Variants in CRYM observed in about 807,000 individuals in gnomAD.
CRYM encodes the protein crystallin mu, also known as ketimine reductase mu-crystallin.
Under a neutral mutation model 32.9 loss-of-function variants are expected in CRYM, and 18 were observed. That is an observed-to-expected ratio of 0.55 (90% CI 0.38 to 0.81). The LOEUF (loss-of-function observed/expected upper bound fraction) is 0.81. Ranked by LOEUF, CRYM falls within the 30% of genes least tolerant of loss-of-function variation. The pLI, the probability that CRYM is intolerant of heterozygous loss-of-function variation, is 0.00. For synonymous variants in CRYM, 153 were observed against 152.4 expected (o/e 1.00, Z -0.03); for missense variants, 337 against 393.5 (o/e 0.86, Z 1.21).
intron 2 of CRYM, 132 bp from the exon 3 acceptor site, chr16:21,275,726 T>C (rs1398838240): frequency 2.8e-6 from 2 of 716,414 alleles, no homozygotes; most frequent in African/African-American, 1.7e-5. Context: ...GCGTCAGACC[T>C]GGATCCGATT....
chr16:21,275,507 T>A, intron 3 of CRYM, 25 bp downstream of exon 3: 1 of 1,608,262 alleles, frequency 6.2e-7, no homozygotes, highest in Non-Finnish European at 8.5e-7. Context: ...CTCACCTTAA[T>A]GGTACAGCCA....
At chr16:21,275,188 T>C (rs2093383824) in intron 3 of CRYM, among the ~76,000 whole-genome samples, 3 of 152,322 alleles carry the variant, frequency 2.0e-5, no homozygotes, top group African/African-American at 4.8e-5. Context: ...AAGTATTAAA[T>C]TCTTACTCTA....
At chr16:21,288,170 A>G (rs1437055352) in intron 1 of CRYM, among the ~76,000 whole-genome samples, 1 of 152,254 alleles carries the variant, frequency 6.6e-6, no homozygotes, top group Non-Finnish European at 1.5e-5. Flanking sequence ...TTTAAAAACC[A>G]AACAGGAGGA....
At position 21,267,737 on chromosome 16, in the gene CRYM, C is replaced by T; in HGVS notation, c.490G>A (p.Val164Met). ...IFTEQFSFKE[V>M]RIWNRTKENA... ...TCTTTGGTGCGGTTCCATATCCTCACCTTCATTGGGAGTAACAAGAAGGAT... is the reference window on the plus strand; with the variant it reads ...TCTTTGGTGCGGTTCCATATCCTCATCTTCATTGGGAGTAACAAGAAGGAT... Residue 164 changes from valine to methionine, a missense_variant and splice_region_variant, in exon 5 of 8, where the codon GTG becomes ATG. Val to Met is a conservative substitution (Grantham distance 21). Coordinates refer to ENST00000572914, the MANE Select transcript of CRYM (RefSeq NM_001376256.1). 1 of 1,614,236 alleles carries T rather than the reference C, an allele frequency of 6.2e-7. No individual in the cohort carries two copies. Among genetic ancestry groups the T allele is most frequent in the Non-Finnish European group, 8.5e-7 (1 of 1,180,044 alleles).
At chr16:21,261,516 A>G in intron 6 of CRYM, 178 bp from the exon 7 acceptor site, 1 of 629,054 alleles carries the variant, frequency 1.6e-6, no homozygotes, top group East Asian at 2.7e-5. Context: ...CTGGCCCCGA[A>G]ATCCTTTTGG....
chr16:21,264,871 T>C (rs990984966), intron 5 of CRYM, among the ~76,000 whole-genome samples: 2 of 152,054 alleles, frequency 1.3e-5, no homozygotes, highest in Non-Finnish European at 1.5e-5. Flanking sequence ...CATCCTCCAG[T>C]GTAAGGAACT....
chr16:21,273,960 C>T (rs2733910), intron 3 of CRYM, among the ~76,000 whole-genome samples: 40,822 of 151,980 alleles, frequency 0.27, 5,934 homozygotes, highest in African/African-American at 0.36. Flanking sequence ...CTACTCCCTT[C>T]GCATACAATT....
chr16:21,270,011 C>T, intron 3 of CRYM, 120 bp from the exon 4 acceptor site: 1 of 724,782 alleles, frequency 1.4e-6, no homozygotes, highest in Admixed American at 2.0e-5. Flanking sequence ...CAAGAGCTTG[C>T]AGGCAATCAA....
chr16:21,286,951 G>T (rs951141809), intron 1 of CRYM, among the ~76,000 whole-genome samples: 1 of 152,002 alleles, frequency 6.6e-6, no homozygotes, highest in Non-Finnish European at 1.5e-5. Flanking sequence ...TTAGCTGGGC[G>T]TGGTGGTGGG....
At chr16:21,294,698 T>C (rs1046258600) in intron 1 of CRYM, among the ~76,000 whole-genome samples, 3 of 151,400 alleles carry the variant, frequency 2.0e-5, no homozygotes, top group South Asian at 2.1e-4. Flanking sequence ...CTTTTTTTTT[T>C]TTTTTCTTTT....
At chr16:21,302,579 A>G (rs1960978645) in intron 1 of CRYM, among the ~76,000 whole-genome samples, 1 of 152,208 alleles carries the variant, frequency 6.6e-6, no homozygotes, top group East Asian at 1.9e-4. Context: ...AAGCTCTAGG[A>G]TGAGAGTAGA....
chr16:21,278,668 C>A (rs531272220), upstream of CRYM: 7 of 224,492 alleles, frequency 3.1e-5, no homozygotes, highest in South Asian at 4.8e-4. Flanking sequence ...TAACGGGGCT[C>A]CTTTATTTAT....
At position 21,258,704 on chromosome 16, in the gene CRYM, C is replaced by T; in HGVS notation, c.*77G>A. On this transcript the variant is annotated 3_prime_UTR_variant, in exon 8 of 8. Coordinates refer to ENST00000572914, the MANE Select transcript of CRYM (RefSeq NM_001376256.1). ...GGAGAGTTCACTGGGGACTGGACTC[C>T]CTCATTTACTCTAGAAATTATGAGA... is the stretch of plus-strand genomic sequence containing the variant. The T allele has an allele frequency of 7.9e-7, 1 of 1,261,200 alleles. No homozygotes were observed. Among genetic ancestry groups the T allele is most frequent in the Non-Finnish European group, 1.2e-6 (1 of 860,330 alleles). 78.1% of individuals were successfully genotyped at this position (1,261,200 alleles called of 1,614,324 possible).
upstream of CRYM, among the ~76,000 whole-genome samples, chr16:21,281,445 G>A (rs1240259658): frequency 6.6e-6 from 1 of 151,798 alleles, no homozygotes; most frequent in Non-Finnish European, 1.5e-5. Flanking sequence ...GGCTGGTCTC[G>A]GTCTCGAACT....
chr16:21,259,447 T>C (rs916097525), intron 7 of CRYM, among the ~76,000 whole-genome samples: 3 of 152,244 alleles, frequency 2.0e-5, no homozygotes, highest in Admixed American at 2.0e-4. Context: ...GTAAATCCTT[T>C]AGGCTTTGTG....
chr16:21,281,724 T>C (rs2093398524), upstream of CRYM, among the ~76,000 whole-genome samples: 1 of 152,220 alleles, frequency 6.6e-6, no homozygotes, highest in Non-Finnish European at 1.5e-5. Context: ...CATGCCTTCA[T>C]GTCCTGAAAA....
Position 21,259,552 on chromosome 16 carries a change from TC to T in CRYM, c.881-708del, listed in dbSNP as rs2093350670. On this transcript the variant is annotated intron_variant, in intron 7 of 7. Transcript: ENST00000572914. Reference sequence around the variant, plus strand: ...AAAAGAGCCTGGCTGTGGGCTGTGTTCCAGTGAAATTATTGATGGGACTGAA... The same window carrying T: ...AAAAGAGCCTGGCTGTGGGCTGTGTTCAGTGAAATTATTGATGGGACTGAA... 5.9e-5 allele frequency among the ~76,000 whole-genome samples: 9 copies of T among 152,190 alleles called. No individual in the cohort carries two copies. The South Asian group carries it at 1.9e-3, about 31-fold the overall frequency.
intron 5 of CRYM, among the ~76,000 whole-genome samples, chr16:21,266,594 G>A (rs2093364180): frequency 6.6e-6 from 1 of 152,002 alleles, no homozygotes; most frequent in African/African-American, 2.4e-5. Flanking sequence ...CAGTACAAAA[G>A]AAATTTAAAG....
intron 1 of CRYM, among the ~76,000 whole-genome samples, chr16:21,284,294 T>G (rs2093403816): frequency 6.6e-6 from 1 of 152,162 alleles, no homozygotes; most frequent in Non-Finnish European, 1.5e-5. Flanking sequence ...ATCGGGCTTT[T>G]CTTTTTCTTT....
Sources: gnomAD v4.1 joint callset for allele counts (sites outside exome capture counted in the v4.1 genomes callset) on GRCh38, gnomAD v4.1.1 for gene constraint, MANE v1.5 for transcripts, NCBI Gene and HGNC (gene_info 2026-07-23, HGNC 2026-07-21) for gene names.